The following GRAP2 variants were observed in gnomAD, a reference collection of about 807,000 sequenced individuals.
GRAP2 encodes the protein GRB2 related adaptor protein 2.
A neutral mutation model predicts 43.5 loss-of-function variants in GRAP2; 31 were observed. That is an observed-to-expected ratio of 0.71 (90% confidence interval 0.54 to 0.96). GRAP2 has a LOEUF of 0.96. Among genes scored for constraint, GRAP2 ranks in the 40% least tolerant of loss-of-function variants. GRAP2 has a pLI of 0.00. For missense variants in GRAP2, 371 were observed against 424.4 expected, an observed-to-expected ratio of 0.87 and a Z score of 1.11; for synonymous variants, 156 against 164.8, an observed-to-expected ratio of 0.95 and a Z score of 0.41.
intron 2 of GRAP2, among the ~76,000 whole-genome samples, chr22:39,955,460 T>C (rs967480277): frequency 1.3e-5 from 2 of 151,468 alleles, no homozygotes; most frequent in African/African-American, 4.8e-5. Flanking sequence ...CTTCTCACCA[T>C]CTGCTGAGAT....
chr22:39,931,467 C>T (rs759025985), intron 1 of GRAP2, among the ~76,000 whole-genome samples: 1 of 152,126 alleles, frequency 6.6e-6, no homozygotes, highest in Admixed American at 6.5e-5. Flanking sequence ...TGGTGCAAAT[C>T]ATATAAAGAA....
At chr22:39,926,980 C>T in intron 1 of GRAP2, 1 of 292,412 alleles carries the variant, frequency 3.4e-6, no homozygotes, top group Non-Finnish European at 5.1e-6. Flanking sequence ...CTGTGCTCAG[C>T]AGAGGCGGTC....
chr22:39,933,854 A>AG (rs1236769931), intron 1 of GRAP2, among the ~76,000 whole-genome samples: 1 of 151,590 alleles, frequency 6.6e-6, no homozygotes, highest in African/African-American at 2.4e-5. Flanking sequence ...AAAAAAAAAA[A>AG]GAAAAGAAAG....
rs1444856400 is a variant in GRAP2 at position 39,972,483 on chromosome 22, A to T, written c.*1399A>T. 6.6e-6 allele frequency: 1 copy of T among 152,350 alleles called. No homozygotes were observed. The highest frequency in any genetic ancestry group is 1.5e-5 in the Non-Finnish European group (1 of 68,076). The allele number at this position is 152,350 out of a possible 1,614,324, so 9.4% of individuals were successfully genotyped here. On this transcript the variant is annotated 3_prime_UTR_variant, in exon 8 of 8. Transcript: ENST00000344138. Reference sequence around the variant, plus strand: ...CATGTGTGGACATGTGCGTGCATGCATCTGTGTGTCTGTGTGTGTGCTGAG... The same window carrying T: ...CATGTGTGGACATGTGCGTGCATGCTTCTGTGTGTCTGTGTGTGTGCTGAG...
chr22:39,948,958 C>T (rs1465421570), intron 2 of GRAP2, among the ~76,000 whole-genome samples: 2 of 152,124 alleles, frequency 1.3e-5, no homozygotes, highest in Non-Finnish European at 2.9e-5. Flanking sequence ...TTTTTCTTCT[C>T]ACTCTGAGCC....
At chr22:39,939,389 C>T (rs959808974) in intron 1 of GRAP2, among the ~76,000 whole-genome samples, 3 of 151,964 alleles carry the variant, frequency 2.0e-5, no homozygotes, top group Non-Finnish European at 4.4e-5. Context: ...GGTGAAACCC[C>T]ATCTCTACTA....
chr22:39,931,708 C>T (rs2066757119), intron 1 of GRAP2, among the ~76,000 whole-genome samples: 1 of 152,082 alleles, frequency 6.6e-6, no homozygotes, highest in Admixed American at 6.5e-5. Context: ...ATGTAAAATG[C>T]CAGAGTAATC....
chr22:39,895,712 G>A, the GRAP2 span, among the ~76,000 whole-genome samples: 1 of 152,152 alleles, frequency 6.6e-6, no homozygotes, highest in African/African-American at 2.4e-5. Context: ...TATTTGCCAA[G>A]CACTATGCTG....
intron 1 of GRAP2, among the ~76,000 whole-genome samples, chr22:39,936,774 G>A (rs1009523724): frequency 6.6e-6 from 1 of 152,180 alleles, no homozygotes. Context: ...TCTATTAGCT[G>A]AGATTGTTTC....
At position 39,947,592 on chromosome 22, in the gene GRAP2, G is replaced by A. The variant is rs541713740; in HGVS notation, c.78+408G>A. On this transcript the variant is annotated intron_variant, in intron 2 of 7. Coordinates refer to ENST00000344138, the MANE Select transcript of GRAP2 (RefSeq NM_004810.4). ...TTAGCTAAAGCTCAGAGATGTGCAA[G>A]CCCATGCTGAATGCAGGGAGCAGCG... 3.8e-5 allele frequency: 7 copies of A among 184,502 alleles called. No individual in the cohort carries two copies. In the East Asian group the frequency reaches 8.6e-4, roughly 23 times the overall value. The allele number at this position is 184,502 out of a possible 1,614,324, so 11.4% of individuals were successfully genotyped here. A position where few individuals can be genotyped will look rare whatever the true frequency, so the allele number is the denominator to read the frequency against.
intron 3 of GRAP2, among the ~76,000 whole-genome samples, chr22:39,957,950 T>A (rs910061687): frequency 5.9e-5 from 9 of 151,482 alleles, no homozygotes; most frequent in East Asian, 1.9e-4. Flanking sequence ...AAAAAAAAAA[T>A]TTAAATAAAT....
chr22:39,947,278 G>C, intron 2 of GRAP2, 94 bp downstream of exon 2: 1 of 774,648 alleles, frequency 1.3e-6, no homozygotes, highest in Non-Finnish European at 2.4e-6. Context: ...ACTGCATGTG[G>C]TTCCTTTTAA....
chr22:39,971,684 C>T lies in GRAP2; in HGVS notation c.*600C>T, dbSNP rs2067245944. ...TTGGAGAGACCCTGCCTGTGCAAGG[C>T]TGGCCTCCTAGTCAACACCTAGCTG... On this transcript the variant is annotated 3_prime_UTR_variant, in exon 8 of 8. Coordinates refer to ENST00000344138, the MANE Select transcript of GRAP2 (RefSeq NM_004810.4). 6.6e-6 allele frequency: 1 copy of T among 152,310 alleles called. No individual in the cohort carries two copies. Among genetic ancestry groups the T allele is most frequent in the South Asian group, 2.1e-4 (1 of 4,832 alleles). The allele number at this position is 152,310 out of a possible 1,614,324, so 9.4% of individuals were successfully genotyped here.
At chr22:39,926,725 T>C in intron 1 of GRAP2, 1 of 985,340 alleles carries the variant, frequency 1.0e-6, no homozygotes, top group Non-Finnish European at 1.2e-6. Flanking sequence ...CCACTGGAAA[T>C]TGTTAATGGG....
intron 1 of GRAP2, among the ~76,000 whole-genome samples, chr22:39,918,621 G>A (rs2066623774): frequency 6.6e-6 from 1 of 152,196 alleles, no homozygotes; most frequent in Non-Finnish European, 1.5e-5. Flanking sequence ...TATTAATAAT[G>A]TATTAATTAG....
upstream of GRAP2, chr22:39,901,048 G>C: frequency 3.2e-6 from 1 of 314,738 alleles, no homozygotes; most frequent in Non-Finnish European, 6.3e-6. Flanking sequence ...ACTCTCCGAA[G>C]CCCCATATGT....
At chr22:39,929,527 C>A (rs545593683) in intron 1 of GRAP2, among the ~76,000 whole-genome samples, 1 of 152,296 alleles carries the variant, frequency 6.6e-6, no homozygotes, top group East Asian at 1.9e-4. Context: ...CCCTCCTTAC[C>A]TATACAAACT....
chr22:39,926,271 A>G (rs1229523752), intron 1 of GRAP2, among the ~76,000 whole-genome samples: 1 of 152,194 alleles, frequency 6.6e-6, no homozygotes. Context: ...GTGTAGTTAC[A>G]CTTAAACATC....
chr22:39,895,667 G>A, the GRAP2 span, among the ~76,000 whole-genome samples: 1 of 152,176 alleles, frequency 6.6e-6, no homozygotes, highest in Non-Finnish European at 1.5e-5. Flanking sequence ...TGAGTTTGTG[G>A]AATATGCATA....
Sources: allele counts gnomAD v4.1 joint callset (sites outside exome capture counted in the v4.1 genomes callset), GRCh38; gene constraint gnomAD v4.1.1; transcripts MANE v1.5; gene names NCBI Gene and HGNC (gene_info 2026-07-23, HGNC 2026-07-21).